The following ASIC2 variants were observed in gnomAD, a reference collection of about 807,000 sequenced individuals.
ASIC2 encodes the protein acid sensing ion channel subunit 2, also known as acid-sensing ion channel 2.
In ASIC2, 25 loss-of-function variants were observed where a neutral mutation model predicts 57.3. The ratio of observed to expected loss-of-function variants is 0.44; its 90% CI spans 0.32 to 0.61. ASIC2 has a LOEUF of 0.61. Among genes scored for constraint, ASIC2 ranks in the 20% least tolerant of loss-of-function variants. ASIC2 has a pLI of 0.06. For synonymous variants in ASIC2, 319 were observed against 307.5 expected (o/e 1.04, Z -0.39); for missense variants, 641 against 738.1 (o/e 0.87, Z 1.52).
intron 1 of ASIC2, among the ~76,000 whole-genome samples, chr17:33,373,587 C>T (rs1158387262): frequency 1.3e-5 from 2 of 152,206 alleles, no homozygotes; most frequent in South Asian, 2.1e-4. Flanking sequence ...TCCCTTATTG[C>T]TCAGGAGTCA....
intron 1 of ASIC2, among the ~76,000 whole-genome samples, chr17:33,833,046 G>C (rs1197845059): frequency 6.6e-6 from 1 of 152,122 alleles, no homozygotes; most frequent in Non-Finnish European, 1.5e-5. Flanking sequence ...GTGAAACAAA[G>C]TTTGAAACAA....
At chr17:33,882,230 C>A (rs1251811600) in intron 1 of ASIC2, among the ~76,000 whole-genome samples, 1 of 152,162 alleles carries the variant, frequency 6.6e-6, no homozygotes, top group African/African-American at 2.4e-5. Context: ...ACACCAAAAG[C>A]AATGGCAATA....
intron 1 of ASIC2, among the ~76,000 whole-genome samples, chr17:33,305,207 T>C (rs112453419): frequency 1.3e-5 from 2 of 152,158 alleles, no homozygotes; most frequent in African/African-American, 4.8e-5. Context: ...CAAGGAAGAA[T>C]CAGGCTCAGA....
chr17:33,542,887 G>A (rs1429713606), intron 1 of ASIC2, among the ~76,000 whole-genome samples: 2 of 151,450 alleles, frequency 1.3e-5, no homozygotes, highest in South Asian at 2.1e-4. Flanking sequence ...TAGGTCTAAC[G>A]TTTAAATCTT....
At chr17:33,810,874 T>TACACACACAC (rs34187408) in intron 1 of ASIC2, among the ~76,000 whole-genome samples, 144 of 150,012 alleles carry the variant, frequency 9.6e-4, no homozygotes, top group Non-Finnish European at 1.8e-3. Flanking sequence ...CACACACACA[T>TACACACACAC]ACACACACAC....
intron 2 of ASIC2, among the ~76,000 whole-genome samples, chr17:33,110,276 G>A (rs1442662237): frequency 6.6e-6 from 1 of 152,212 alleles, no homozygotes; most frequent in Non-Finnish European, 1.5e-5. Flanking sequence ...TGGGGACCAA[G>A]ACTCCACCCC....
At chr17:33,611,790 C>G (rs1444107479) in intron 1 of ASIC2, among the ~76,000 whole-genome samples, 1 of 152,226 alleles carries the variant, frequency 6.6e-6, no homozygotes, top group Non-Finnish European at 1.5e-5. Context: ...CCAAGGCCAA[C>G]TCAATGGGGT....
At chr17:33,029,326 C>T (rs918420903) in intron 3 of ASIC2, among the ~76,000 whole-genome samples, 3 of 152,182 alleles carry the variant, frequency 2.0e-5, no homozygotes, top group African/African-American at 7.2e-5. Context: ...AATTCTCTCA[C>T]CATAGGTTGG....
chr17:33,089,950 A>T (rs1291058087), intron 2 of ASIC2, among the ~76,000 whole-genome samples: 1 of 152,188 alleles, frequency 6.6e-6, no homozygotes, highest in Non-Finnish European at 1.5e-5. Context: ...CCTTTACCAG[A>T]TCCCCCTCTC....
chr17:33,142,559 C>G (rs548389187), intron 1 of ASIC2, among the ~76,000 whole-genome samples: 7 of 152,214 alleles, frequency 4.6e-5, no homozygotes, highest in Non-Finnish European at 1.0e-4. Context: ...CAGGTTCTCT[C>G]TCTCTGAAGA....
chr17:34,150,915 C>G (rs1904489725), intron 1 of ASIC2, among the ~76,000 whole-genome samples: 1 of 152,022 alleles, frequency 6.6e-6, no homozygotes, highest in African/African-American at 2.4e-5. Context: ...GAGTACGAGA[C>G]CGGCCTGGCC....
At chr17:33,748,962 T>A (rs1910347749) in intron 1 of ASIC2, among the ~76,000 whole-genome samples, 1 of 152,178 alleles carries the variant, frequency 6.6e-6, no homozygotes, top group South Asian at 2.1e-4. Flanking sequence ...ACAGGACACG[T>A]GTCTGCAGCA....
chr17:33,493,946 G>A (rs1913846245), intron 1 of ASIC2, among the ~76,000 whole-genome samples: 1 of 152,220 alleles, frequency 6.6e-6, no homozygotes, highest in Non-Finnish European at 1.5e-5. Flanking sequence ...CTCTGTAGAA[G>A]TTATTATAGT....
At chr17:33,713,068 G>A (rs1959409541) in intron 1 of ASIC2, among the ~76,000 whole-genome samples, 1 of 152,158 alleles carries the variant, frequency 6.6e-6, no homozygotes, top group African/African-American at 2.4e-5. Flanking sequence ...CCAGCCAGAT[G>A]GAATTCGGTT....
intron 1 of ASIC2, among the ~76,000 whole-genome samples, chr17:33,310,932 G>A (rs1286775511): frequency 6.6e-6 from 1 of 152,106 alleles, no homozygotes; most frequent in Non-Finnish European, 1.5e-5. Context: ...TCTGGTTCAA[G>A]GGCTGGAGCT....
intron 1 of ASIC2, among the ~76,000 whole-genome samples, chr17:33,737,736 G>A (rs1317033862): frequency 6.6e-6 from 1 of 150,644 alleles, no homozygotes; most frequent in Non-Finnish European, 1.5e-5. Context: ...GAACTAACAG[G>A]AAAGCGTCCA....
At chr17:33,684,635 G>A (rs192128406) in intron 1 of ASIC2, among the ~76,000 whole-genome samples, 179 of 152,244 alleles carry the variant, frequency 1.2e-3, no homozygotes, top group Non-Finnish European at 1.6e-3. Context: ...AAGCTAAAAC[G>A]AATATAATAA....
At chr17:34,150,430 G>A (rs1904472574) in intron 1 of ASIC2, among the ~76,000 whole-genome samples, 1 of 151,994 alleles carries the variant, frequency 6.6e-6, no homozygotes, top group Admixed American at 6.6e-5. Flanking sequence ...AAGTATATGA[G>A]GTAATACATA....
In ASIC2 at chr17:33,049,055, T is replaced by C. The variant is rs534078982; in HGVS notation, c.988-20663A>G. Among the ~76,000 whole-genome samples, 6 of 152,216 alleles carry C rather than the reference T, an allele frequency of 3.9e-5. No homozygotes were observed. In the East Asian group the frequency reaches 1.2e-3, roughly 29 times the overall value. The stretch of plus-strand genomic sequence containing the variant: ...GATCACAGAGGCAGGAAGGGGCAGA[T>C]GGTGTACCATGTTGTGAAAAGAGCG... On this transcript the variant is annotated intron_variant, in intron 3 of 9. Transcript: ENST00000225823.
Sources: allele counts gnomAD v4.1 joint callset (sites outside exome capture counted in the v4.1 genomes callset), GRCh38; gene constraint gnomAD v4.1.1; transcripts MANE v1.5; gene names NCBI Gene and HGNC (gene_info 2026-07-23, HGNC 2026-07-21).